CCDC85A: variants seen among roughly 807,000 people sequenced by gnomAD.
CCDC85A encodes the protein coiled-coil domain-containing protein 85A.
A neutral mutation model predicts 50.2 loss-of-function variants in CCDC85A; 38 were observed. The observed-to-expected ratio is 0.76, with a 90% CI of 0.58 to 0.99. The LOEUF (loss-of-function observed/expected upper bound fraction) is 0.99. Ranked by LOEUF, CCDC85A falls within the 50% of genes least tolerant of loss-of-function variation. The pLI, the probability that CCDC85A is intolerant of heterozygous loss-of-function variation, is 0.00. For missense variants in CCDC85A, 820 were observed against 742.0 expected, an observed-to-expected ratio of 1.11 and a Z score of -1.22; for synonymous variants, 366 against 301.4, an observed-to-expected ratio of 1.21 and a Z score of -2.22.
chr2:56,376,473 A>G (rs1676343150), intron 5 of CCDC85A, among the ~76,000 whole-genome samples: 1 of 152,192 alleles, frequency 6.6e-6, no homozygotes, highest in African/African-American at 2.4e-5. Context: ...AAACAGATAT[A>G]TGGTGTTATA....
In CCDC85A at chr2:56,207,324, C is replaced by T. The variant is rs189239356; in HGVS notation, c.1240+13884C>T. ...GGCAGGCTCTGCCACCCCATTTATC[C>T]CTAGCACAGCTCCAGCTTCAACTGG... is the stretch of plus-strand genomic sequence containing the variant. On this transcript the variant is annotated intron_variant, in intron 2 of 5. Transcript: ENST00000407595. 1.2e-4 allele frequency among the ~76,000 whole-genome samples: 18 copies of T among 152,224 alleles called. No individual in the cohort carries two copies. The East Asian group carries it at 3.5e-3, about 30-fold the overall frequency.
chr2:56,293,387 C>T (rs1671804698), intron 2 of CCDC85A, among the ~76,000 whole-genome samples: 1 of 152,164 alleles, frequency 6.6e-6, no homozygotes, highest in Non-Finnish European at 1.5e-5. Flanking sequence ...AGAGGAAAAT[C>T]TAGGCAGTAC....
intron 2 of CCDC85A, among the ~76,000 whole-genome samples, chr2:56,245,005 T>C (rs1269312847): frequency 6.6e-6 from 1 of 152,112 alleles, no homozygotes; most frequent in Non-Finnish European, 1.5e-5. Context: ...GCGGTCTCTT[T>C]TGGAGCTGCA....
chr2:56,293,108 C>G (rs554399412), intron 2 of CCDC85A, among the ~76,000 whole-genome samples: 1 of 152,282 alleles, frequency 6.6e-6, no homozygotes, highest in South Asian at 2.1e-4. Flanking sequence ...TACTGGCTGG[C>G]AGCTTTGATA....
At chr2:56,207,875 T>G (rs1315398185) in intron 2 of CCDC85A, among the ~76,000 whole-genome samples, 4 of 152,144 alleles carry the variant, frequency 2.6e-5, no homozygotes, top group Non-Finnish European at 5.9e-5. Context: ...AACATAATAT[T>G]TATATTTGAA....
intron 2 of CCDC85A, among the ~76,000 whole-genome samples, chr2:56,278,347 C>G (rs1446142408): frequency 6.6e-6 from 1 of 152,028 alleles, no homozygotes; most frequent in Non-Finnish European, 1.5e-5. Context: ...TCATTATATC[C>G]TTCAACTGTG....
chr2:56,338,756 T>A (rs1674208852), intron 2 of CCDC85A, among the ~76,000 whole-genome samples: 1 of 152,130 alleles, frequency 6.6e-6, no homozygotes, highest in Admixed American at 6.5e-5. Context: ...TTTTCTCATG[T>A]CACAGTTGGG....
At chr2:56,254,954 T>C (rs1426091938) in intron 2 of CCDC85A, among the ~76,000 whole-genome samples, 1 of 152,198 alleles carries the variant, frequency 6.6e-6, no homozygotes, top group African/African-American at 2.4e-5. Context: ...TCACAAAGGT[T>C]TGCTTCTTCC....
chr2:56,349,534 AC>A (rs1674798039), intron 3 of CCDC85A, among the ~76,000 whole-genome samples: 1 of 152,206 alleles, frequency 6.6e-6, no homozygotes, highest in South Asian at 2.1e-4. Flanking sequence ...GTGTAAGGCA[AC>A]ATGGAGGCCC....
At chr2:56,238,189 GCGGATCA>G (rs2103957586) in intron 2 of CCDC85A, among the ~76,000 whole-genome samples, 1 of 152,236 alleles carries the variant, frequency 6.6e-6, no homozygotes, top group South Asian at 2.1e-4. Context: ...GCCGAGGTGG[GCGGATCA>G]CCTGAGGTCA....
At chr2:56,324,068 A>G (rs1673349365) in intron 2 of CCDC85A, among the ~76,000 whole-genome samples, 1 of 152,104 alleles carries the variant, frequency 6.6e-6, no homozygotes, top group African/African-American at 2.4e-5. Context: ...GTTCCATCTT[A>G]ATGTTCTTGG....
At chr2:56,256,008 C>A (rs1270725493) in intron 2 of CCDC85A, among the ~76,000 whole-genome samples, 1 of 151,956 alleles carries the variant, frequency 6.6e-6, no homozygotes, top group Non-Finnish European at 1.5e-5. Flanking sequence ...GAGAGATGAA[C>A]AGATGTACAT....
In CCDC85A at chr2:56,266,577, C is replaced by CA. The variant is rs1347387340; in HGVS notation, c.1240+73137_1240+73138insA. On this transcript the variant is annotated intron_variant, in intron 2 of 5. Transcript: ENST00000407595. ...ATATAATTGTCAATTAACAATAACG[C>CA]GCCCCCCCCCCCCATAATCTTCTTC... is the stretch of plus-strand genomic sequence containing the variant. Among the ~76,000 whole-genome samples, 15 of 68,454 alleles carry CA rather than the reference C, an allele frequency of 2.2e-4. 1 individual carries two copies. Among genetic ancestry groups the CA allele is most frequent in the Non-Finnish European group, 4.2e-4 (13 of 31,074 alleles). The allele number at this position is 68,454 out of a possible 152,430, so 44.9% of individuals were successfully genotyped here. A position where few individuals can be genotyped will look rare whatever the true frequency, so the allele number is the denominator to read the frequency against.
chr2:56,362,362 G>A (rs1675571559), intron 3 of CCDC85A, among the ~76,000 whole-genome samples: 1 of 152,182 alleles, frequency 6.6e-6, no homozygotes, highest in East Asian at 1.9e-4. Flanking sequence ...AGTGTTGGAT[G>A]TGTACATGTC....
intron 2 of CCDC85A, among the ~76,000 whole-genome samples, chr2:56,269,352 TG>T (rs1670598502): frequency 6.6e-6 from 1 of 151,996 alleles, no homozygotes; most frequent in African/African-American, 2.4e-5. Flanking sequence ...TGTGTGTGTG[TG>T]TGTGTGTGTT....
At chr2:56,217,947 A>AT (rs1284114229) in intron 2 of CCDC85A, among the ~76,000 whole-genome samples, 1 of 151,876 alleles carries the variant, frequency 6.6e-6, no homozygotes, top group Non-Finnish European at 1.5e-5. Flanking sequence ...TAATGATCAT[A>AT]GGGAAGTCAG....
intron 3 of CCDC85A, among the ~76,000 whole-genome samples, chr2:56,343,407 G>A (rs897689371): frequency 6.6e-6 from 1 of 152,168 alleles, no homozygotes; most frequent in Non-Finnish European, 1.5e-5. Context: ...ATTCTTTGTG[G>A]TATAATTGAA....
At chr2:56,254,217 A>G (rs1378643226) in intron 2 of CCDC85A, among the ~76,000 whole-genome samples, 1 of 152,126 alleles carries the variant, frequency 6.6e-6, no homozygotes, top group African/African-American at 2.4e-5. Flanking sequence ...ATGAATGTGA[A>G]AAAATTAATA....
At chr2:56,335,039 C>T (rs1248373855) in intron 2 of CCDC85A, among the ~76,000 whole-genome samples, 4 of 152,138 alleles carry the variant, frequency 2.6e-5, no homozygotes, top group Non-Finnish European at 5.9e-5. Flanking sequence ...AATTCTATTT[C>T]TGTTAATAAG....
Sources: allele counts gnomAD v4.1 joint callset (sites outside exome capture counted in the v4.1 genomes callset), GRCh38; gene constraint gnomAD v4.1.1; transcripts MANE v1.5; gene names NCBI Gene and HGNC (gene_info 2026-07-23, HGNC 2026-07-21).